Variants in OSBPL6 observed in about 807,000 individuals in gnomAD.
OSBPL6 encodes oxysterol binding protein like 6.
OSBPL6 carries 49 observed loss-of-function variants against 125.8 expected under a neutral mutation model. The ratio of observed to expected loss-of-function variants is 0.39; its 90% CI spans 0.31 to 0.49. The LOEUF is 0.49. Ranked by LOEUF, OSBPL6 falls within the 20% of genes least tolerant of loss-of-function variation. OSBPL6 has a pLI of 0.88. For missense variants in OSBPL6, 986 were observed against 1,135.4 expected (o/e 0.87, Z 1.89); for synonymous variants, 394 against 391.8 (o/e 1.01, Z -0.07).
At chr2:178,257,029 T>C (rs75527394) in intron 1 of OSBPL6, among the ~76,000 whole-genome samples, 2,621 of 152,358 alleles carry the variant, frequency 0.017, 52 homozygotes, top group South Asian at 0.1. Context: ...AGCTGGACTT[T>C]CTTGAATCGA....
chr2:178,270,011 C>T (rs997865620), intron 1 of OSBPL6, among the ~76,000 whole-genome samples: 1 of 152,194 alleles, frequency 6.6e-6, no homozygotes, highest in African/African-American at 2.4e-5. Flanking sequence ...GACGATAACA[C>T]ACTGGCTTGT....
intron 1 of OSBPL6, among the ~76,000 whole-genome samples, chr2:178,227,046 A>G (rs2090594459): frequency 6.6e-6 from 1 of 152,242 alleles, no homozygotes; most frequent in Non-Finnish European, 1.5e-5. Flanking sequence ...GCTACACACA[A>G]AAGATGAAAG....
chr2:178,333,028 T>G lies in OSBPL6; in HGVS notation c.644T>G (p.Val215Gly). Residue 215 changes from valine (V) to glycine (G), a missense_variant, in exon 8 of 25, where the codon GTA (valine) becomes GGA (glycine). By Grantham distance (109) the Val-to-Gly change is moderately radical. Coordinates refer to ENST00000190611, the MANE Select transcript of OSBPL6 (RefSeq NM_032523.4). ...TCCTCACCAGCTGCTAATGTTTCTG[T>G]AATGGATGGAAAGGTATGACTTTGT... is the stretch of plus-strand genomic sequence containing the variant. Reference protein sequence around the residue: ...AESSPAANVSVMDGKMQPNSF... With the variant: ...AESSPAANVSGMDGKMQPNSF... 1 of 1,614,014 alleles carries G rather than the reference T, an allele frequency of 6.2e-7. No individual in the cohort carries two copies. Among genetic ancestry groups the G allele is most frequent in the Non-Finnish European group, 8.5e-7 (1 of 1,179,986 alleles).
chr2:178,354,807 C>G (rs1691614915), intron 12 of OSBPL6, among the ~76,000 whole-genome samples: 2 of 152,208 alleles, frequency 1.3e-5, no homozygotes, highest in African/African-American at 2.4e-5. Flanking sequence ...CCACATCACA[C>G]TTATTCTAAA....
At chr2:178,201,073 T>C (rs575752791) in intron 1 of OSBPL6, among the ~76,000 whole-genome samples, 65 of 152,302 alleles carry the variant, frequency 4.3e-4, no homozygotes, top group Admixed American at 7.8e-4. Context: ...GGATTACAGG[T>C]GTGAGCCACT....
chr2:178,264,764 G>A (rs964169542), intron 1 of OSBPL6, among the ~76,000 whole-genome samples: 2 of 152,092 alleles, frequency 1.3e-5, no homozygotes, highest in Non-Finnish European at 2.9e-5. Context: ...GTGGCACAGT[G>A]ACTTTTTAAA....
At chr2:178,323,030 T>G (rs1688381642) in intron 3 of OSBPL6, among the ~76,000 whole-genome samples, 1 of 152,218 alleles carries the variant, frequency 6.6e-6, no homozygotes, top group African/African-American at 2.4e-5. Flanking sequence ...CCTTCTTTTA[T>G]GCTTTCATAA....
chr2:178,282,276 C>T (rs1684272824), intron 1 of OSBPL6, among the ~76,000 whole-genome samples: 1 of 152,228 alleles, frequency 6.6e-6, no homozygotes, highest in South Asian at 2.1e-4. Context: ...ACACACACAG[C>T]ATATGTGATG....
intron 3 of OSBPL6, among the ~76,000 whole-genome samples, chr2:178,320,859 T>G (rs1167726575): frequency 6.6e-6 from 1 of 152,212 alleles, no homozygotes; most frequent in Admixed American, 6.5e-5. Flanking sequence ...TGGAGCATGA[T>G]TTTTATAATT....
chr2:178,236,632 T>A (rs2091062402), intron 1 of OSBPL6, among the ~76,000 whole-genome samples: 1 of 152,190 alleles, frequency 6.6e-6, no homozygotes, highest in Non-Finnish European at 1.5e-5. Context: ...AGAGACATAT[T>A]CTCAAGTAAG....
intron 14 of OSBPL6, among the ~76,000 whole-genome samples, chr2:178,372,996 A>C (rs1361549598): frequency 6.6e-6 from 1 of 152,232 alleles, no homozygotes; most frequent in South Asian, 2.1e-4. Context: ...CTTTATATAC[A>C]GTGGTGATAT....
intron 1 of OSBPL6, among the ~76,000 whole-genome samples, chr2:178,218,551 A>G (rs1465959844): frequency 6.6e-6 from 1 of 151,478 alleles, no homozygotes; most frequent in African/African-American, 2.4e-5. Context: ...TCTCCTTACC[A>G]TCTTTTCCAT....
intron 4 of OSBPL6, 27 bp from the exon 5 acceptor site, chr2:178,328,229 T>G (rs1023292562): frequency 2.5e-6 from 4 of 1,611,904 alleles, no homozygotes; most frequent in Non-Finnish European, 3.4e-6. Context: ...GAGTAACATG[T>G]GATTTGTTTT....
In OSBPL6 at chr2:178,240,208, G is replaced by C. The variant is rs1313173883; in HGVS notation, c.-350-44719G>C. On this transcript the variant is annotated intron_variant, in intron 1 of 24. Transcript: ENST00000190611. Reference sequence around the variant, plus strand: ...AGATGAAAAGGTTCTGGAGATGGATGATGGTGATGGTTGTACAACAGTATA... The same window carrying C: ...AGATGAAAAGGTTCTGGAGATGGATCATGGTGATGGTTGTACAACAGTATA... Among the ~76,000 whole-genome samples, 21 of 152,130 alleles carry C rather than the reference G, an allele frequency of 1.4e-4. 1 individual carries two copies. The highest frequency in any genetic ancestry group is 1.4e-3 in the Admixed American group (21 of 15,266).
At chr2:178,344,025 GTCCATCAGTTTATAAC>G in intron 11 of OSBPL6, among the ~76,000 whole-genome samples, 1 of 152,232 alleles carries the variant, frequency 6.6e-6, no homozygotes, top group South Asian at 2.1e-4. Flanking sequence ...ATCGCAGGCT[GTCCATCAGTTTATAAC>G]TCCATCTCCT....
chr2:178,295,046 T>C (rs1400189236), intron 2 of OSBPL6, among the ~76,000 whole-genome samples: 1 of 152,172 alleles, frequency 6.6e-6, no homozygotes, highest in Non-Finnish European at 1.5e-5. Context: ...GAAACTAACA[T>C]TATAAATAAA....
Position 178,379,359 on chromosome 2 carries a change from A to G in OSBPL6, c.1534-3061A>G, listed in dbSNP as rs184346586. ...GGGAGGGAGGGAGGGAGGGAGGGGA[A>G]GGAAGGAAAGGGAGGGAGGAAAAGG... On this transcript the variant is annotated intron_variant, in intron 15 of 24. Transcript: ENST00000190611. 6.8e-3 allele frequency among the ~76,000 whole-genome samples: 924 copies of G among 136,618 alleles called. 8 individuals are homozygous for G. Among genetic ancestry groups the G allele is most frequent in the Non-Finnish European group, 9.4e-3 (594 of 63,422 alleles). The allele number at this position is 136,618 out of a possible 152,430, so 89.6% of individuals were successfully genotyped here. A position where few individuals can be genotyped will look rare whatever the true frequency, so the allele number is the denominator to read the frequency against.
chr2:178,242,571 G>A (rs1262688861), intron 1 of OSBPL6, among the ~76,000 whole-genome samples: 1 of 152,130 alleles, frequency 6.6e-6, no homozygotes, highest in Non-Finnish European at 1.5e-5. Flanking sequence ...ATTGGTGGAA[G>A]TTTGCATTGA....
rs766148719 is a variant in OSBPL6, at chr2:178,372,229, A to G, written c.1391A>G (p.Asp464Gly). The G allele has an allele frequency of 1.2e-6, 2 of 1,605,068 alleles. No homozygotes were observed. Among genetic ancestry groups the G allele is most frequent in the South Asian group, 1.1e-5 (1 of 90,238 alleles). ...VVSVNIIPSPDEAGEQIHVSL... is the reference protein window; with the variant it reads ...VVSVNIIPSPGEAGEQIHVSL... ...AGTGTAAATATTATTCCTAGCCCTGATGAGGTAAGACTCATTTTAAATAGA... is the reference window on the plus strand; with the variant it reads ...AGTGTAAATATTATTCCTAGCCCTGGTGAGGTAAGACTCATTTTAAATAGA... Residue 464 changes from aspartate (D) to glycine (G), a missense_variant, in exon 14 of 25, where the codon GAT (aspartate) becomes GGT (glycine). This residue lies in a region of OSBPL6 where 843 missense variants were observed against 997.3 expected (regional missense o/e 0.85). Coordinates refer to ENST00000190611, the MANE Select transcript of OSBPL6 (RefSeq NM_032523.4).
Sources: allele counts gnomAD v4.1 joint callset (sites outside exome capture counted in the v4.1 genomes callset), GRCh38; gene constraint gnomAD v4.1.1; regional missense constraint gnomAD v4.1.1; transcripts MANE v1.5; gene names NCBI Gene and HGNC (gene_info 2026-07-23, HGNC 2026-07-21).